The following PIK3R6 variants were observed in gnomAD, a reference collection of about 807,000 sequenced individuals.
PIK3R6 encodes phosphoinositide-3-kinase regulatory subunit 6, also known as phosphoinositide 3-kinase regulatory subunit 6.
Under a neutral mutation model 84.9 loss-of-function variants are expected in PIK3R6, and 91 were observed. That is an observed-to-expected ratio of 1.07 (90% CI 0.90 to 1.28). The LOEUF (loss-of-function observed/expected upper bound fraction) is 1.28. PIK3R6 is among the 50% of genes most tolerant of loss of function. The pLI, the probability that PIK3R6 is intolerant of heterozygous loss-of-function variation, is 0.00. For synonymous variants in PIK3R6, 416 were observed against 411.4 expected, an observed-to-expected ratio of 1.01 and a Z score of -0.13; for missense variants, 996 against 985.1, an observed-to-expected ratio of 1.01 and a Z score of -0.15.
At chr17:8,866,736 C>T (rs1484772386) in intron 1 of PIK3R6, among the ~76,000 whole-genome samples, 1 of 152,086 alleles carries the variant, frequency 6.6e-6, no homozygotes, top group Non-Finnish European at 1.5e-5. Flanking sequence ...CCACCTTCCA[C>T]GGGACCCTCC....
chr17:8,809,788 T>G (rs2151177613), intron 18 of PIK3R6, among the ~76,000 whole-genome samples: 1 of 152,184 alleles, frequency 6.6e-6, no homozygotes, highest in East Asian at 1.9e-4. Context: ...TGCCTAACTG[T>G]TAAAGACATT....
chr17:8,864,462 T>C (rs1683308030), intron 1 of PIK3R6, among the ~76,000 whole-genome samples: 2 of 151,788 alleles, frequency 1.3e-5, no homozygotes, highest in South Asian at 4.2e-4. Flanking sequence ...GTGGGCTAAC[T>C]TGTTAGTTCT....
chr17:8,825,755 G>C (rs2087896808), intron 13 of PIK3R6, among the ~76,000 whole-genome samples: 1 of 152,080 alleles, frequency 6.6e-6, no homozygotes, highest in South Asian at 2.1e-4. Context: ...AATTATCAGT[G>C]AACATTTATT....
chr17:8,847,027 T>C (rs775366796), intron 2 of PIK3R6, among the ~76,000 whole-genome samples: 2 of 152,208 alleles, frequency 1.3e-5, no homozygotes, highest in Non-Finnish European at 2.9e-5. Flanking sequence ...GTTGTCTTAA[T>C]CCTCTGACAT....
intron 13 of PIK3R6, 40 bp downstream of exon 13, chr17:8,827,132 C>T (rs568038335): frequency 1.4e-5 from 23 of 1,603,746 alleles, no homozygotes; most frequent in African/African-American, 1.2e-4. Flanking sequence ...ACCCCACTCC[C>T]GTCCCTCTCT....
intron 10 of PIK3R6, 110 bp downstream of exon 10, chr17:8,829,596 A>G (rs916378675): frequency 1.5e-5 from 17 of 1,114,660 alleles, no homozygotes; most frequent in African/African-American, 6.5e-5. Flanking sequence ...ACACACACTC[A>G]TGCATACACA....
At chr17:8,817,503 A>C (rs2087578311) in intron 18 of PIK3R6, among the ~76,000 whole-genome samples, 1 of 152,234 alleles carries the variant, frequency 6.6e-6, no homozygotes, top group Non-Finnish European at 1.5e-5. Flanking sequence ...TTAGCTGGGC[A>C]TGGAGGCATG....
At position 8,862,238 on chromosome 17, in the gene PIK3R6, C is replaced by A. The variant is rs75712901; in HGVS notation, c.-92+5291G>T. Among the ~76,000 whole-genome samples the A allele has an allele frequency of 1.2e-4, 19 of 152,282 alleles. No homozygotes were observed. The East Asian group carries it at 3.7e-3, about 29-fold the overall frequency. On this transcript the variant is annotated intron_variant, in intron 1 of 19. Coordinates refer to ENST00000619866, the MANE Select transcript of PIK3R6 (RefSeq NM_001010855.4). The surrounding 1 kb of genome is among the most constrained non-coding windows in gnomAD (Gnocchi z 4.3). ...AATATAAGCTCCCCATGGGAAGGGG[C>A]TCCATTTTGCTCACTGTTGAGTCCC...
intron 4 of PIK3R6, 56 bp downstream of exon 4, chr17:8,838,508 A>C (rs750071196): frequency 5.8e-5 from 88 of 1,511,912 alleles, no homozygotes; most frequent in Admixed American, 1.6e-4. Flanking sequence ...CCCCTGCCCA[A>C]TTGGCCCCTC....
At chr17:8,843,637 TA>T (rs111238957) in intron 2 of PIK3R6, among the ~76,000 whole-genome samples, 379 of 145,760 alleles carry the variant, frequency 2.6e-3, no homozygotes, top group Non-Finnish European at 4.1e-3. Context: ...TATAGTGTCT[TA>T]AAAAAAAAAA....
At chr17:8,816,198 T>TAGCC (rs1280890555) in intron 18 of PIK3R6, among the ~76,000 whole-genome samples, 1 of 152,188 alleles carries the variant, frequency 6.6e-6, no homozygotes, top group Non-Finnish European at 1.5e-5. Context: ...TAAATATGTT[T>TAGCC]AGAATGAGTG....
intron 15 of PIK3R6, among the ~76,000 whole-genome samples, 168 bp downstream of exon 15, chr17:8,822,827 GT>G (rs57742949): frequency 0.03 from 4,543 of 152,276 alleles, 255 homozygotes; most frequent in African/African-American, 0.1. Context: ...TCTTGTGGGG[GT>G]TGGAGGGGAT....
At chr17:8,812,604 C>A (rs1464121595) in intron 18 of PIK3R6, among the ~76,000 whole-genome samples, 1 of 152,028 alleles carries the variant, frequency 6.6e-6, no homozygotes, top group Non-Finnish European at 1.5e-5. Flanking sequence ...CAAGAGGAAC[C>A]CTCAAAACTA....
intron 1 of PIK3R6, among the ~76,000 whole-genome samples, chr17:8,857,515 G>C (rs561910342): frequency 6.6e-6 from 1 of 152,172 alleles, no homozygotes; most frequent in African/African-American, 2.4e-5. Flanking sequence ...GGGCGGCCTG[G>C]GTTAATAATG....
intron 8 of PIK3R6, among the ~76,000 whole-genome samples, chr17:8,833,660 GC>G (rs1287202078): frequency 2.0e-5 from 3 of 150,734 alleles, no homozygotes; most frequent in Non-Finnish European, 4.4e-5. Context: ...TCCTGCCTCA[GC>G]CTCCCGAGTA....
At chr17:8,811,567 C>T (rs1399211045) in intron 18 of PIK3R6, among the ~76,000 whole-genome samples, 1 of 148,264 alleles carries the variant, frequency 6.7e-6, no homozygotes, top group Non-Finnish European at 1.5e-5. Context: ...CCCAAGTCAC[C>T]TCTTGAATGC....
chr17:8,811,406 T>A (rs567051305), intron 18 of PIK3R6, among the ~76,000 whole-genome samples: 1 of 148,714 alleles, frequency 6.7e-6, no homozygotes, highest in South Asian at 2.3e-4. Flanking sequence ...GGGATTAACA[T>A]TTGGCTCCTC....
Position 8,804,118 on chromosome 17 carries a change from C to T in PIK3R6, c.2031G>A (p.Gln677=). ...GCAGCCTCTGGTCCCGGCTCTGGAT[C>T]TGGATATTGTTCGTCCTGAAGGTGT... ...VTNTFRTNNI[Q]IQSRDQRLLT... The change falls in exon 19 of 20, where the codon CAG becomes CAA. Residue 677 remains glutamine (Q), a synonymous_variant. Coordinates refer to ENST00000619866, the MANE Select transcript of PIK3R6 (RefSeq NM_001010855.4). The T allele has an allele frequency of 6.2e-7, 1 of 1,614,022 alleles. No homozygotes were observed. The highest frequency in any genetic ancestry group is 8.5e-7 in the Non-Finnish European group (1 of 1,179,886).
chr17:8,827,041 A>T (rs2087941389), intron 13 of PIK3R6, 131 bp downstream of exon 13: 1 of 1,050,310 alleles, frequency 9.5e-7, no homozygotes, highest in Non-Finnish European at 1.3e-6. Context: ...GGTCAAGTGC[A>T]GCAGCAAAAA....
Sources: gnomAD v4.1 joint callset for allele counts (sites outside exome capture counted in the v4.1 genomes callset) on GRCh38, gnomAD v4.1.1 for gene constraint, Gnocchi (gnomAD v3.1) non-coding constraint, MANE v1.5 for transcripts, NCBI Gene and HGNC (gene_info 2026-07-23, HGNC 2026-07-21) for gene names.